Variants in SGK3 observed in about 807,000 individuals in gnomAD.
SGK3 encodes the protein serine/threonine-protein kinase Sgk3.
In SGK3, 47 loss-of-function variants were observed where a neutral mutation model predicts 68.5. That is an observed-to-expected ratio of 0.69 (90% CI 0.54 to 0.87). SGK3 has a LOEUF of 0.87. SGK3 is among the 40% of genes least tolerant of loss of function. The pLI, the probability that SGK3 is intolerant of heterozygous loss-of-function variation, is 0.00. For synonymous variants in SGK3, 181 were observed against 189.1 expected, an observed-to-expected ratio of 0.96 and a Z score of 0.35; for missense variants, 479 against 575.5, an observed-to-expected ratio of 0.83 and a Z score of 1.72.
chr8:66,801,804 G>A (rs1807958240), intron 3 of SGK3, among the ~76,000 whole-genome samples: 1 of 152,182 alleles, frequency 6.6e-6, no homozygotes, highest in Non-Finnish European at 1.5e-5. Flanking sequence ...AAGGGGTGTA[G>A]GGAATGTCAT....
intron 2 of SGK3, among the ~76,000 whole-genome samples, chr8:66,795,718 T>A (rs1489003070): frequency 6.6e-6 from 1 of 152,220 alleles, no homozygotes; most frequent in East Asian, 1.9e-4. Flanking sequence ...TCAAAGGCCC[T>A]ATCTAAATCA....
chr8:66,757,960 C>T (rs913558203), intron 1 of SGK3, among the ~76,000 whole-genome samples: 29 of 147,932 alleles, frequency 2.0e-4, no homozygotes, highest in African/African-American at 6.5e-4. Flanking sequence ...TATATATACA[C>T]ACACTATATA....
At chr8:66,743,239 G>A (rs1442671829) in intron 1 of SGK3, among the ~76,000 whole-genome samples, 2 of 152,134 alleles carry the variant, frequency 1.3e-5, no homozygotes, top group African/African-American at 2.4e-5. Flanking sequence ...ATATCAAAAT[G>A]TATATAAAAA....
chr8:66,831,465 G>T (rs975837530), intron 8 of SGK3, among the ~76,000 whole-genome samples, 154 bp downstream of exon 8: 4 of 151,804 alleles, frequency 2.6e-5, no homozygotes, highest in Non-Finnish European at 5.9e-5. Context: ...TCAGCCTCCC[G>T]AGTAGCTGGG....
chr8:66,833,430 T>C (rs1248741729), intron 8 of SGK3, among the ~76,000 whole-genome samples: 1 of 152,228 alleles, frequency 6.6e-6, no homozygotes, highest in East Asian at 1.9e-4. Context: ...TAGCTTGATA[T>C]CTAACAGAAT....
rs542384640 is a variant in SGK3 at position 66,823,234 on chromosome 8, T to C, written c.417+775T>C. 5.9e-5 allele frequency among the ~76,000 whole-genome samples: 9 copies of C among 152,292 alleles called. No homozygotes were observed. The South Asian group carries it at 6.2e-4, about 11-fold the overall frequency. On this transcript the variant is annotated intron_variant, in intron 6 of 16. Transcript: ENST00000521198. ...GAATTTTGGCCAACAGAAGAGGCCT[T>C]CTTGACCACATTACATCCCACTTAC...
chr8:66,839,789 A>G, intron 10 of SGK3: 1 of 494,712 alleles, frequency 2.0e-6, no homozygotes, highest in Non-Finnish European at 3.5e-6. Flanking sequence ...GCAAGGGTAA[A>G]CAAAGACACG....
At position 66,831,237 on chromosome 8, in the gene SGK3, T is replaced by C. The variant is rs201904222; in HGVS notation, c.468-17T>C. 4.7e-5 allele frequency: 76 copies of C among 1,613,194 alleles called. No homozygotes were observed. In the Middle Eastern group the frequency reaches 6.6e-4, roughly 14 times the overall value. On this transcript the variant is annotated splice_polypyrimidine_tract_variant and intron_variant, in intron 7 of 16. Coordinates refer to ENST00000521198, the MANE Select transcript of SGK3 (RefSeq NM_001033578.3). ...CCAATTTCTAGGAGGCTAATTCTTA[T>C]TGTTAATTTATTTCAGTGCCAAACC...
intron 1 of SGK3, among the ~76,000 whole-genome samples, chr8:66,753,415 C>T (rs188623222): frequency 2.0e-3 from 307 of 152,254 alleles, no homozygotes; most frequent in African/African-American, 7.0e-3. Flanking sequence ...CATAGGTAGT[C>T]AAGATATACA....
At chr8:66,799,490 C>T (rs537430462) in intron 3 of SGK3, among the ~76,000 whole-genome samples, 5 of 152,322 alleles carry the variant, frequency 3.3e-5, no homozygotes, top group East Asian at 1.9e-4. Context: ...GAAGATCATA[C>T]GTAGAAGCTA....
intron 5 of SGK3, among the ~76,000 whole-genome samples, chr8:66,817,346 G>A (rs775131513): frequency 1.3e-5 from 2 of 151,674 alleles, no homozygotes; most frequent in African/African-American, 2.4e-5. Context: ...TAGGAGAATC[G>A]CCTGAACCTG....
In SGK3 at chr8:66,835,863, G is replaced by A. The variant is rs754597041; in HGVS notation, c.609+17G>A. 6 of 1,609,364 alleles carry A rather than the reference G, an allele frequency of 3.7e-6. No homozygotes were observed. The Admixed American group carries it at 6.8e-5, about 18-fold the overall frequency. ...AGAAAAGAGGTAAAATAAAATAGTT[G>A]TTTCTCTCAAGCCCATTTTCTCAAT... On this transcript the variant is annotated intron_variant, in intron 9 of 16. Coordinates refer to ENST00000521198, the MANE Select transcript of SGK3 (RefSeq NM_001033578.3).
chr8:66,781,566 A>G (rs1163019465), intron 1 of SGK3, among the ~76,000 whole-genome samples: 1 of 152,178 alleles, frequency 6.6e-6, no homozygotes, highest in Non-Finnish European at 1.5e-5. Flanking sequence ...GTCAGTGGTT[A>G]CTTCCACTTC....
chr8:66,792,329 CAA>C (rs1215954300), intron 1 of SGK3, among the ~76,000 whole-genome samples: 21 of 53,522 alleles, frequency 3.9e-4, no homozygotes, highest in East Asian at 6.2e-4. Context: ...AACTCCATCT[CAA>C]AAAAAAAAAA....
chr8:66,833,288 G>A (rs989283525), intron 8 of SGK3, among the ~76,000 whole-genome samples: 3 of 152,164 alleles, frequency 2.0e-5, no homozygotes, highest in African/African-American at 4.8e-5. Flanking sequence ...TTACAGGCAT[G>A]AGCCACTGTG....
intron 1 of SGK3, among the ~76,000 whole-genome samples, chr8:66,764,039 T>A (rs1337102206): frequency 6.6e-6 from 1 of 152,114 alleles, no homozygotes; most frequent in Non-Finnish European, 1.5e-5. Context: ...ACCCGGCTAA[T>A]TTTTATAGAG....
chr8:66,765,191 G>C (rs1425713151), intron 1 of SGK3, among the ~76,000 whole-genome samples: 2 of 152,180 alleles, frequency 1.3e-5, no homozygotes, highest in African/African-American at 4.8e-5. Flanking sequence ...AATGTACAAG[G>C]CTTCAACTTC....
At chr8:66,759,632 A>G (rs1419103719) in intron 1 of SGK3, among the ~76,000 whole-genome samples, 1 of 151,650 alleles carries the variant, frequency 6.6e-6, no homozygotes, top group Non-Finnish European at 1.5e-5. Flanking sequence ...TTGTTTCACC[A>G]TTTTGGCCAG....
chr8:66,805,659 A>C (rs1199423535), intron 4 of SGK3, among the ~76,000 whole-genome samples: 1 of 152,164 alleles, frequency 6.6e-6, no homozygotes, highest in Admixed American at 6.5e-5. Flanking sequence ...CAAGAGATTA[A>C]TCCAGGTCAC....
Sources: allele counts gnomAD v4.1 joint callset (sites outside exome capture counted in the v4.1 genomes callset), GRCh38; gene constraint gnomAD v4.1.1; transcripts MANE v1.5; gene names NCBI Gene and HGNC (gene_info 2026-07-23, HGNC 2026-07-21).